The following CHSY3 variants were observed in gnomAD, a reference collection of about 807,000 sequenced individuals.
CHSY3 encodes N-acetylgalactosaminyl-proteoglycan 3-beta-glucuronosyltransferase 3.
A neutral mutation model predicts 67.2 loss-of-function variants in CHSY3; 35 were observed. The ratio of observed to expected loss-of-function variants is 0.52; its 90% CI spans 0.40 to 0.69. CHSY3 has a LOEUF of 0.69. Ranked by LOEUF, CHSY3 falls within the 30% of genes least tolerant of loss-of-function variation. The pLI, the probability that CHSY3 is intolerant of heterozygous loss-of-function variation, is 0.00. For synonymous variants in CHSY3, 474 were observed against 434.7 expected (o/e 1.09, Z -1.12); for missense variants, 1,069 against 1,138.5 (o/e 0.94, Z 0.88).
chr5:130,115,533 A>G (rs1767764523), intron 2 of CHSY3, among the ~76,000 whole-genome samples: 1 of 152,202 alleles, frequency 6.6e-6, no homozygotes, highest in Non-Finnish European at 1.5e-5. Flanking sequence ...TCATTCTACT[A>G]GAGCTAGAAT....
rs77250894 is a variant in CHSY3 at position 129,929,316 on chromosome 5, T to G, written c.1086+20956T>G. On this transcript the variant is annotated intron_variant, in intron 2 of 2. Transcript: ENST00000305031. ...GTCCTTAGCATGTTTACAGGAAAAATATGTAAGAATAAAGTTTTCATTTTC... is the reference window on the plus strand; with the variant it reads ...GTCCTTAGCATGTTTACAGGAAAAAGATGTAAGAATAAAGTTTTCATTTTC... Among the ~76,000 whole-genome samples the G allele has an allele frequency of 4.7e-3, 715 of 152,326 alleles. 10 individuals carry two copies. Among genetic ancestry groups the G allele is most frequent in the African/African-American group, 0.016 (678 of 41,580 alleles).
intron 2 of CHSY3, among the ~76,000 whole-genome samples, chr5:130,047,373 A>G (rs1453118731): frequency 2.6e-5 from 4 of 152,068 alleles, no homozygotes; most frequent in Admixed American, 2.6e-4. Flanking sequence ...ACCTCTCAAT[A>G]TGTTATCAAG....
chr5:130,009,161 G>A (rs769974429), intron 2 of CHSY3, among the ~76,000 whole-genome samples: 16 of 152,170 alleles, frequency 1.1e-4, no homozygotes, highest in African/African-American at 2.6e-4. Context: ...ACACATCATC[G>A]TCGTATTCTT....
intron 2 of CHSY3, among the ~76,000 whole-genome samples, chr5:129,919,031 C>A (rs867086617): frequency 1.6e-5 from 2 of 127,446 alleles, no homozygotes; most frequent in Admixed American, 2.0e-4. Context: ...GGCGTGAACC[C>A]GGGAGGCGGA....
At chr5:130,183,578 T>C (rs1326388458) in intron 2 of CHSY3, among the ~76,000 whole-genome samples, 3 of 152,164 alleles carry the variant, frequency 2.0e-5, no homozygotes, top group Non-Finnish European at 4.4e-5. Context: ...TTCTCCGTGA[T>C]CTGTTATGGG....
intron 2 of CHSY3, among the ~76,000 whole-genome samples, chr5:130,041,275 A>G (rs1393898300): frequency 6.6e-6 from 1 of 152,102 alleles, no homozygotes; most frequent in East Asian, 1.9e-4. Context: ...TTTCTCCCCA[A>G]GCAATCAGGC....
chr5:130,000,506 G>A (rs1763688907), intron 2 of CHSY3, among the ~76,000 whole-genome samples: 1 of 151,804 alleles, frequency 6.6e-6, no homozygotes, highest in Non-Finnish European at 1.5e-5. Flanking sequence ...TTACGATTTT[G>A]TGTTCTTTCT....
At chr5:129,926,850 A>G (rs904753051) in intron 2 of CHSY3, among the ~76,000 whole-genome samples, 1 of 151,920 alleles carries the variant, frequency 6.6e-6, no homozygotes, top group Non-Finnish European at 1.5e-5. Context: ...TAATATTTAT[A>G]TATTCAATTC....
intron 2 of CHSY3, among the ~76,000 whole-genome samples, chr5:129,945,885 C>T (rs1453667216): frequency 6.6e-6 from 1 of 152,128 alleles, no homozygotes; most frequent in Non-Finnish European, 1.5e-5. Flanking sequence ...TTTTAACTGG[C>T]TGATACATTC....
At chr5:130,160,946 C>T (rs1264343558) in intron 2 of CHSY3, among the ~76,000 whole-genome samples, 7 of 150,066 alleles carry the variant, frequency 4.7e-5, no homozygotes, top group African/African-American at 1.7e-4. Flanking sequence ...ACTTTGTCGC[C>T]CAGGCTGGAG....
intron 2 of CHSY3, among the ~76,000 whole-genome samples, chr5:130,097,197 A>G (rs1767078131): frequency 6.6e-6 from 1 of 152,260 alleles, no homozygotes; most frequent in South Asian, 2.1e-4. Flanking sequence ...TCGCCCCTCC[A>G]GGGCCCCTAG....
In CHSY3 at chr5:130,186,263, A is replaced by G. The variant is rs1770414277; in HGVS notation, c.*472A>G. On this transcript the variant is annotated 3_prime_UTR_variant, in exon 3 of 3. Coordinates refer to ENST00000305031, the MANE Select transcript of CHSY3 (RefSeq NM_175856.5). ...TCTGTAACATAAACTTGAGTTTTGT[A>G]ATTTATACAAGGACTTAAATATATA... 6.6e-6 allele frequency: 1 copy of G among 150,680 alleles called. No individual in the cohort carries two copies. Among genetic ancestry groups the G allele is most frequent in the Admixed American group, 6.6e-5 (1 of 15,164 alleles). The allele number at this position is 150,680 out of a possible 1,614,324, so 9.3% of individuals were successfully genotyped here. A position where few individuals can be genotyped will look rare whatever the true frequency, so the allele number is the denominator to read the frequency against.
At chr5:129,997,277 T>C (rs1763569450) in intron 2 of CHSY3, among the ~76,000 whole-genome samples, 1 of 152,178 alleles carries the variant, frequency 6.6e-6, no homozygotes, top group Non-Finnish European at 1.5e-5. Context: ...CACCCACCTC[T>C]TTTTCTCTCA....
intron 2 of CHSY3, among the ~76,000 whole-genome samples, chr5:129,980,099 G>A (rs1762940400): frequency 2.0e-5 from 3 of 152,146 alleles, no homozygotes; most frequent in African/African-American, 4.8e-5. Context: ...TAACTCCATA[G>A]GGTAAATACT....
chr5:130,090,061 G>T (rs115295091), intron 2 of CHSY3, among the ~76,000 whole-genome samples: 9 of 151,958 alleles, frequency 5.9e-5, no homozygotes, highest in Non-Finnish European at 1.0e-4. Flanking sequence ...TATAGTTCCC[G>T]CGGCTTGCCT....
At chr5:130,004,494 C>T (rs1763817612) in intron 2 of CHSY3, among the ~76,000 whole-genome samples, 1 of 152,002 alleles carries the variant, frequency 6.6e-6, no homozygotes, top group South Asian at 2.1e-4. Flanking sequence ...TGCATAGAAG[C>T]AATAGTTACC....
intron 2 of CHSY3, among the ~76,000 whole-genome samples, chr5:130,068,088 T>C (rs1442940033): frequency 6.6e-6 from 1 of 152,142 alleles, no homozygotes; most frequent in African/African-American, 2.4e-5. Context: ...TCACCCCTTC[T>C]TCAATGTGGC....
chr5:130,031,744 G>A (rs1764709042), intron 2 of CHSY3, among the ~76,000 whole-genome samples: 1 of 152,106 alleles, frequency 6.6e-6, no homozygotes, highest in South Asian at 2.1e-4. Flanking sequence ...AGATGCAAAG[G>A]CACAAAATTG....
In CHSY3 at chr5:130,138,552, A is replaced by T. The variant is rs146127434; in HGVS notation, c.1087-45677A>T. Among the ~76,000 whole-genome samples, 809 of 152,334 alleles carry T rather than the reference A, an allele frequency of 5.3e-3. 10 individuals are homozygous for T. Among genetic ancestry groups the T allele is most frequent in the African/African-American group, 0.019 (776 of 41,584 alleles). On this transcript the variant is annotated intron_variant, in intron 2 of 2. Coordinates refer to ENST00000305031, the MANE Select transcript of CHSY3 (RefSeq NM_175856.5). ...CAAGAAGGTTAGACAGAAAGCTGATACTAAAAGAATGGCAGACAGCCAAGA... is the reference window on the plus strand; with the variant it reads ...CAAGAAGGTTAGACAGAAAGCTGATTCTAAAAGAATGGCAGACAGCCAAGA...
Sources: gnomAD v4.1 joint callset for allele counts (sites outside exome capture counted in the v4.1 genomes callset) on GRCh38, gnomAD v4.1.1 for gene constraint, MANE v1.5 for transcripts, NCBI Gene and HGNC (gene_info 2026-07-23, HGNC 2026-07-21) for gene names.